Variants in KLHDC10 observed in about 807,000 individuals in gnomAD.
KLHDC10 encodes kelch domain containing 10.
A neutral mutation model predicts 56.1 loss-of-function variants in KLHDC10; 24 were observed. The ratio of observed to expected loss-of-function variants is 0.43; its 90% confidence interval spans 0.31 to 0.60. The LOEUF (loss-of-function observed/expected upper bound fraction) is 0.60. Ranked by LOEUF, KLHDC10 falls within the 20% of genes least tolerant of loss-of-function variation. KLHDC10 has a pLI of 0.11. For synonymous variants in KLHDC10, 188 were observed against 207.1 expected (o/e 0.91, Z 0.79); for missense variants, 349 against 567.0 (o/e 0.62, Z 3.91).
At position 130,125,855 on chromosome 7, in the gene KLHDC10, T is replaced by C; in HGVS notation, c.865-10T>C. The C allele has an allele frequency of 6.3e-7, 1 of 1,586,990 alleles. No homozygotes were observed. Among genetic ancestry groups the C allele is most frequent in the Non-Finnish European group, 8.5e-7 (1 of 1,171,004 alleles). ...TTATGTATGTGTATATGTTCTTTTT[T>C]TTCTCCAAGATCCATGCATACAACC... On this transcript the variant is annotated splice_polypyrimidine_tract_variant and intron_variant, in intron 6 of 9. Transcript: ENST00000335420.
chr7:130,087,981 G>A (rs1481541380), intron 1 of KLHDC10, among the ~76,000 whole-genome samples: 2 of 151,678 alleles, frequency 1.3e-5, no homozygotes, highest in African/African-American at 2.4e-5. Flanking sequence ...GGCTGGTCTC[G>A]AACTCCTGAC....
rs1306629247 is a variant in KLHDC10, at chr7:130,130,023, T to A, written c.1119+447T>A. 6.6e-6 allele frequency among the ~76,000 whole-genome samples: 1 copy of A among 151,862 alleles called. No homozygotes were observed. The highest frequency in any genetic ancestry group is 1.5e-5 in the Non-Finnish European group (1 of 67,970). The stretch of plus-strand genomic sequence containing the variant: ...TGTTTGTTGTTGAAGTAAAAAAAAA[T>A]TCATATATATAGGCCGGGCGCGGTG... On this transcript the variant is annotated intron_variant, in intron 9 of 9. Transcript: ENST00000335420. The surrounding 1 kb of genome is among the most constrained non-coding windows in gnomAD (Gnocchi z 4.2).
At chr7:130,125,781 G>T in intron 6 of KLHDC10, 84 bp from the exon 7 acceptor site, 1 of 1,069,952 alleles carries the variant, frequency 9.3e-7, no homozygotes, top group Non-Finnish European at 1.4e-6. Context: ...AAAAAACAAA[G>T]TCTATTTTTT....
At chr7:130,080,351 G>A (rs1365924306) in intron 1 of KLHDC10, among the ~76,000 whole-genome samples, 3 of 152,046 alleles carry the variant, frequency 2.0e-5, no homozygotes, top group Non-Finnish European at 4.4e-5. Flanking sequence ...TTTTTTAGGG[G>A]GTAGAAGAAG....
intron 2 of KLHDC10, among the ~76,000 whole-genome samples, chr7:130,109,403 G>A (rs1035405005): frequency 2.0e-5 from 3 of 151,456 alleles, no homozygotes; most frequent in African/African-American, 4.9e-5. Flanking sequence ...TTTTTGGCAG[G>A]GTCGGTACAG....
At chr7:130,093,304 A>C (rs1455322623) in intron 1 of KLHDC10, among the ~76,000 whole-genome samples, 1 of 144,002 alleles carries the variant, frequency 6.9e-6, no homozygotes, top group Non-Finnish European at 1.5e-5. Context: ...TCCTGGGCTC[A>C]AGCAGTTCTC....
chr7:130,121,359 G>C (rs1481182234), intron 4 of KLHDC10, among the ~76,000 whole-genome samples: 1 of 152,172 alleles, frequency 6.6e-6, no homozygotes, highest in East Asian at 1.9e-4. Context: ...TTAGGTTCCA[G>C]CGCTTCAAAC....
At chr7:130,122,310 ACTGG>A in intron 5 of KLHDC10, 108 bp downstream of exon 5, 1 of 1,038,812 alleles carries the variant, frequency 9.6e-7, no homozygotes, top group South Asian at 1.8e-5. Context: ...AGAATAACTA[ACTGG>A]CTGTTGGATG....
chr7:130,076,172 A>G (rs985941484), intron 1 of KLHDC10, among the ~76,000 whole-genome samples: 2 of 151,750 alleles, frequency 1.3e-5, no homozygotes, highest in African/African-American at 4.8e-5. Context: ...TAGAGTTAGC[A>G]CTCCTATGAG....
chr7:130,087,688 A>G (rs1451970592), intron 1 of KLHDC10, among the ~76,000 whole-genome samples: 1 of 152,140 alleles, frequency 6.6e-6, no homozygotes, highest in East Asian at 1.9e-4. Context: ...AACCACAAAT[A>G]TTTTGGTGTC....
chr7:130,106,746 G>A (rs913040885), intron 2 of KLHDC10, among the ~76,000 whole-genome samples: 14 of 152,212 alleles, frequency 9.2e-5, no homozygotes, highest in African/African-American at 3.1e-4. Flanking sequence ...GGGAGGCTGA[G>A]GTGGGAGGAT....
In KLHDC10 at chr7:130,130,948, G is replaced by A. The variant is rs757116798; in HGVS notation, c.*202G>A. ...CCCACGTGCTTCCTTCTTTGCTTCTGTTCCTCCTGACCCATTACATGCACA... is the reference window on the plus strand; with the variant it reads ...CCCACGTGCTTCCTTCTTTGCTTCTATTCCTCCTGACCCATTACATGCACA... On this transcript the variant is annotated 3_prime_UTR_variant, in exon 10 of 10. Transcript: ENST00000335420. The surrounding 1 kb of genome is among the most constrained non-coding windows in gnomAD (Gnocchi z 4.2). The A allele has an allele frequency of 1.4e-5, 8 of 558,434 alleles. No individual in the cohort carries two copies. Among genetic ancestry groups the A allele is most frequent in the Non-Finnish European group, 2.6e-5 (8 of 311,856 alleles). The allele number at this position is 558,434 out of a possible 1,614,324, so 34.6% of individuals were successfully genotyped here.
In KLHDC10 at chr7:130,130,337, C is replaced by CAT. The variant is rs72380761; in HGVS notation, c.1120-184_1120-183dup. 0.77 allele frequency among the ~76,000 whole-genome samples: 107,995 copies of CAT among 140,716 alleles called. 41,744 individuals are homozygous for CAT. The highest frequency in any genetic ancestry group is 0.82 in the Non-Finnish European group (54,096 of 65,936). 92.3% of individuals were successfully genotyped at this position (140,716 alleles called of 152,430 possible). On this transcript the variant is annotated intron_variant, in intron 9 of 9. Transcript: ENST00000335420. This position sits in a 1 kb window ranked among gnomAD's most constrained non-coding sequence, Gnocchi z 4.2. ...ACTCTGTCTCAAAAAAAAAAAAAAT[C>CAT]ATATATATATATATATAGTTTTTCC...
intron 4 of KLHDC10, 72 bp from the exon 5 acceptor site, chr7:130,121,982 G>T (rs1796253428): frequency 7.7e-7 from 1 of 1,303,130 alleles, no homozygotes; most frequent in African/African-American, 1.5e-5. Flanking sequence ...TGATTTGGAG[G>T]TATCTGGTAA....
chr7:130,094,133 C>T (rs1474925781), intron 1 of KLHDC10, among the ~76,000 whole-genome samples: 1 of 151,898 alleles, frequency 6.6e-6, no homozygotes, highest in Admixed American at 6.6e-5. Flanking sequence ...GGCATGTTGG[C>T]CAGGCTGGTC....
rs1796437499 is a variant in KLHDC10, at chr7:130,134,231, G to A, written c.*3485G>A. 1.3e-5 allele frequency: 2 copies of A among 152,168 alleles called. No homozygotes were observed. The highest frequency in any genetic ancestry group is 2.9e-5 in the Non-Finnish European group (2 of 68,048). The allele number at this position is 152,168 out of a possible 1,614,324, so 9.4% of individuals were successfully genotyped here. A position where few individuals can be genotyped will look rare whatever the true frequency, so the allele number is the denominator to read the frequency against. The stretch of plus-strand genomic sequence containing the variant: ...TGGGGTTAATGAGTAGGTAGAAAAG[G>A]AAAAGGAATAATCAGTAGGAGCTGA... On this transcript the variant is annotated 3_prime_UTR_variant, in exon 10 of 10. Transcript: ENST00000335420.
chr7:130,092,292 AT>A, intron 1 of KLHDC10, among the ~76,000 whole-genome samples: 1 of 152,284 alleles, frequency 6.6e-6, no homozygotes, highest in Non-Finnish European at 1.5e-5. Context: ...TAGCTTGTTC[AT>A]TTTGGCAAAA....
At position 130,100,463 on chromosome 7, in the gene KLHDC10, A is replaced by G. The variant is rs565127329; in HGVS notation, c.253+3456A>G. 1.9e-4 allele frequency among the ~76,000 whole-genome samples: 29 copies of G among 152,330 alleles called. 1 individual carries two copies. Among genetic ancestry groups the G allele is most frequent in the African/African-American group, 6.5e-4 (27 of 41,588 alleles). On this transcript the variant is annotated intron_variant, in intron 2 of 9. Coordinates refer to ENST00000335420, the MANE Select transcript of KLHDC10 (RefSeq NM_014997.4). ...ATATCTTTACTCCAGTTTGTAGCAT[A>G]GTGCATGTAGCAGGTATATCATATG...
At chr7:130,112,005 C>T (rs1796107616) in intron 2 of KLHDC10, among the ~76,000 whole-genome samples, 1 of 151,944 alleles carries the variant, frequency 6.6e-6, no homozygotes, top group South Asian at 2.1e-4. Context: ...GCAGTATGGC[C>T]CTATAACAGT....
Sources: allele counts gnomAD v4.1 joint callset (sites outside exome capture counted in the v4.1 genomes callset), GRCh38; gene constraint gnomAD v4.1.1; non-coding constraint Gnocchi (gnomAD v3.1); transcripts MANE v1.5; gene names NCBI Gene and HGNC (gene_info 2026-07-23, HGNC 2026-07-21).